Variants in ACSS3 observed in about 807,000 individuals in gnomAD.
The protein encoded by ACSS3 is acyl-CoA synthetase short chain family member 3.
Under a neutral mutation model 84.2 loss-of-function variants are expected in ACSS3, and 64 were observed. The ratio of observed to expected loss-of-function variants is 0.76; its 90% confidence interval spans 0.62 to 0.94. The LOEUF is 0.94. Among genes scored for constraint, ACSS3 ranks in the 40% least tolerant of loss-of-function variants. The pLI is 0.00. For synonymous variants in ACSS3, 317 were observed against 310.1 expected (o/e 1.02, Z -0.23); for missense variants, 815 against 867.6 (o/e 0.94, Z 0.76).
intron 7 of ACSS3, 47 bp from the exon 8 acceptor site, chr12:81,174,741 A>G (rs1205523500): frequency 3.8e-6 from 6 of 1,582,172 alleles, no homozygotes; most frequent in Non-Finnish European, 5.2e-6. Context: ...TGTCAGTGAA[A>G]TATGACACAT....
rs1284498653 is a variant in ACSS3 at position 81,255,152 on chromosome 12, A to G, written c.*230A>G. The G allele has an allele frequency of 2.7e-6, 1 of 376,572 alleles. No homozygotes were observed. The highest frequency in any genetic ancestry group is 4.5e-5 in the East Asian group (1 of 22,224). 23.3% of individuals were successfully genotyped at this position (376,572 alleles called of 1,614,324 possible). On this transcript the variant is annotated 3_prime_UTR_variant, in exon 16 of 16. Transcript: ENST00000548058. ...TAGTTATCTATAACATGGCTTATTG[A>G]ATGTCATCTACTGCTTTAGGAAAAA...
intron 9 of ACSS3, among the ~76,000 whole-genome samples, chr12:81,200,713 A>G (rs534917653): frequency 6.6e-6 from 1 of 152,044 alleles, no homozygotes; most frequent in Non-Finnish European, 1.5e-5. Context: ...CAGCCTGGCC[A>G]ACATGGTGAA....
intron 10 of ACSS3, among the ~76,000 whole-genome samples, chr12:81,219,431 T>C (rs921225132): frequency 7.2e-5 from 11 of 152,120 alleles, no homozygotes; most frequent in African/African-American, 2.4e-4. Context: ...CTTATCTTCA[T>C]ATTTAGTTTG....
intron 9 of ACSS3, among the ~76,000 whole-genome samples, chr12:81,213,904 CCTT>C (rs1165286216): frequency 7.0e-4 from 10 of 14,312 alleles, no homozygotes; most frequent in African/African-American, 2.1e-3. Context: ...TTTCTTTTGT[CCTT>C]CCTTCCTTCC....
At chr12:81,214,095 G>T (rs573623790) in intron 9 of ACSS3, among the ~76,000 whole-genome samples, 13 of 147,820 alleles carry the variant, frequency 8.8e-5, no homozygotes, top group African/African-American at 3.3e-4. Flanking sequence ...GTGTGATCTC[G>T]GCTCACTGCA....
At chr12:81,100,976 C>A (rs1396732757) in intron 1 of ACSS3, among the ~76,000 whole-genome samples, 1 of 152,198 alleles carries the variant, frequency 6.6e-6, no homozygotes, top group East Asian at 1.9e-4. Flanking sequence ...CAACCAAAAT[C>A]ATGATAGACA....
intron 1 of ACSS3, among the ~76,000 whole-genome samples, chr12:81,085,300 A>G (rs971074366): frequency 1.3e-5 from 2 of 152,224 alleles, no homozygotes; most frequent in African/African-American, 2.4e-5. Context: ...TTTAAATACT[A>G]CAGTGATTCT....
At position 81,125,442 on chromosome 12, in the gene ACSS3, T is replaced by C. The variant is rs78137187; in HGVS notation, c.457-9374T>C. ...GGTGTTCAATATTTTACTTCCTCTC[T>C]TTATTATGTCTAACATTTTTGTCCA... On this transcript the variant is annotated intron_variant, in intron 2 of 15. Transcript: ENST00000548058. 209 of 152,356 alleles carry C rather than the reference T, an allele frequency of 1.4e-3. 1 individual carries two copies. The highest frequency in any genetic ancestry group is 4.9e-3 in the African/African-American group (202 of 41,574). 9.4% of individuals were successfully genotyped at this position (152,356 alleles called of 1,614,324 possible). A position where few individuals can be genotyped will look rare whatever the true frequency, so the allele number is the denominator to read the frequency against.
At chr12:81,225,043 C>T (rs2033226465) in intron 11 of ACSS3, among the ~76,000 whole-genome samples, 1 of 151,748 alleles carries the variant, frequency 6.6e-6, no homozygotes, top group South Asian at 2.1e-4. Context: ...TTTATCATAG[C>T]TATGTATGTA....
At chr12:81,250,134 T>G (rs2034105165) in intron 13 of ACSS3, among the ~76,000 whole-genome samples, 1 of 152,032 alleles carries the variant, frequency 6.6e-6, no homozygotes. Context: ...ATTAATGTGG[T>G]TTTTGATATT....
At chr12:81,119,892 AAAGT>A (rs1272069968) in intron 2 of ACSS3, among the ~76,000 whole-genome samples, 1 of 152,240 alleles carries the variant, frequency 6.6e-6, no homozygotes, top group Non-Finnish European at 1.5e-5. Context: ...TTAAGAGATT[AAAGT>A]AAGACAGGCA....
chr12:81,156,185 AACACACAC>A (rs58156251), intron 7 of ACSS3, among the ~76,000 whole-genome samples: 2 of 141,736 alleles, frequency 1.4e-5, no homozygotes, highest in African/African-American at 5.1e-5. Context: ...TATCCAGGAA[AACACACAC>A]ACACACACAC....
At chr12:81,087,330 G>A (rs1405963461) in intron 1 of ACSS3, among the ~76,000 whole-genome samples, 6 of 151,996 alleles carry the variant, frequency 3.9e-5, no homozygotes, top group Non-Finnish European at 5.9e-5. Flanking sequence ...ATCTTTCAAG[G>A]TGTCATTGCT....
At chr12:81,167,189 G>T (rs1008304399) in intron 7 of ACSS3, among the ~76,000 whole-genome samples, 7 of 152,130 alleles carry the variant, frequency 4.6e-5, no homozygotes, top group African/African-American at 1.4e-4. Flanking sequence ...ACTTCCAAAG[G>T]TAAACTTTTT....
chr12:81,117,599 G>C (rs1884154621), intron 2 of ACSS3, among the ~76,000 whole-genome samples: 2 of 152,224 alleles, frequency 1.3e-5, no homozygotes, highest in Admixed American at 1.3e-4. Flanking sequence ...TAGAAAGTGA[G>C]GTTAGGTGAG....
At chr12:81,213,581 C>CTT (rs2032685375) in intron 9 of ACSS3, among the ~76,000 whole-genome samples, 4 of 6,804 alleles carry the variant, frequency 5.9e-4, no homozygotes, top group Non-Finnish European at 9.0e-4. Flanking sequence ...CCTCTCCTCT[C>CTT]CTCCCCTCCC....
intron 2 of ACSS3, among the ~76,000 whole-genome samples, chr12:81,119,275 A>T (rs1884347355): frequency 6.6e-6 from 1 of 152,144 alleles, no homozygotes. Context: ...GCTAATAAAG[A>T]TCACAAGGCA....
chr12:81,230,910 C>T (rs1593223637), intron 11 of ACSS3, 147 bp from the exon 12 acceptor site: 1 of 660,316 alleles, frequency 1.5e-6, no homozygotes, highest in Admixed American at 2.9e-5. Context: ...CTCTGTTAGA[C>T]ATGATCTGTC....
intron 13 of ACSS3, among the ~76,000 whole-genome samples, chr12:81,242,572 C>T (rs2033843979): frequency 1.3e-5 from 2 of 150,362 alleles, no homozygotes; most frequent in Admixed American, 6.7e-5. Context: ...GAATTTTAGA[C>T]CAATATCATT....
Sources: gnomAD v4.1 joint callset for allele counts (sites outside exome capture counted in the v4.1 genomes callset) on GRCh38, gnomAD v4.1.1 for gene constraint, MANE v1.5 for transcripts, NCBI Gene and HGNC (gene_info 2026-07-23, HGNC 2026-07-21) for gene names.